BRSK2: variants seen among roughly 807,000 people sequenced by gnomAD.
BRSK2 encodes the protein serine/threonine-protein kinase BRSK2.
BRSK2 carries 19 observed loss-of-function variants against 83.3 expected under a neutral mutation model. The observed-to-expected ratio is 0.23, with a 90% CI of 0.16 to 0.33. The LOEUF (loss-of-function observed/expected upper bound fraction) is 0.33, where lower values mean the gene tolerates loss of function less well. BRSK2 is among the 10% of genes least tolerant of loss of function. The pLI, the probability that BRSK2 is intolerant of heterozygous loss-of-function variation, is 1.00. For missense variants in BRSK2, 798 were observed against 1,042.3 expected (o/e 0.77, Z 3.23); for synonymous variants, 519 against 435.4 (o/e 1.19, Z -2.39).
rs1410834110 is a variant in BRSK2 at position 1,423,288 on chromosome 11, C to T, written c.92-12752C>T. ...AGAACCAGGGACCCTCCCCACTGTC[C>T]TGTCCTTAGCGTCTTGAGGCTAGGG... On this transcript the variant is annotated intron_variant, in intron 1 of 19. Transcript: ENST00000528841. The surrounding 1 kb of genome is among the most constrained non-coding windows in gnomAD (Gnocchi z 6.5). 3.3e-5 allele frequency among the ~76,000 whole-genome samples: 5 copies of T among 152,300 alleles called. No homozygotes were observed. The East Asian group carries it at 9.7e-4, about 29-fold the overall frequency.
intron 1 of BRSK2, chr11:1,410,394 G>C (rs923711103): frequency 2.1e-6 from 2 of 969,202 alleles, no homozygotes; most frequent in African/African-American, 3.6e-5. Context: ...GTGTTTGGGG[G>C]GGTTTGTGAC....
intron 1 of BRSK2, among the ~76,000 whole-genome samples, chr11:1,425,067 C>T (rs770024090): frequency 5.9e-4 from 90 of 152,236 alleles, no homozygotes; most frequent in Non-Finnish European, 1.2e-3. Context: ...CGTGGGGACT[C>T]GGACCCTGGT....
chr11:1,459,136 G>A, intron 18 of BRSK2, 56 bp from the exon 19 acceptor site: 1 of 1,562,932 alleles, frequency 6.4e-7, no homozygotes, highest in Non-Finnish European at 8.8e-7. Flanking sequence ...CCAGCCAGAA[G>A]GCCCAGGACA....
In BRSK2 at chr11:1,429,478, G is replaced by A. The variant is rs566387342; in HGVS notation, c.92-6562G>A. Among the ~76,000 whole-genome samples, 343 of 151,640 alleles carry A rather than the reference G, an allele frequency of 2.3e-3. 10 individuals carry two copies. The highest frequency in any genetic ancestry group is 7.7e-3 in the African/African-American group (316 of 40,924). Reference sequence around the variant, plus strand: ...TGCATGTCTGTGTGCGTGGCCACACGTGCTGTCCCTGCCCAGGGCCCTGCT... The same window carrying A: ...TGCATGTCTGTGTGCGTGGCCACACATGCTGTCCCTGCCCAGGGCCCTGCT... On this transcript the variant is annotated intron_variant, in intron 1 of 19. Coordinates refer to ENST00000528841, the MANE Select transcript of BRSK2 (RefSeq NM_001256627.2).
chr11:1,435,206 AGAGGAGGGGTGCCGGTGGGGGTCTCAGCG>A lies in BRSK2; in HGVS notation c.92-808_92-780del, dbSNP rs1309508953. On this transcript the variant is annotated intron_variant, in intron 1 of 19. Transcript: ENST00000528841. ...GGGCTCAGGTGCAGAGCATCTCAGC[AGAGGAGGGGTGCCGGTGGGGGTCTCAGCG>A]GAGGAGGGGTGCCGGTGGGGGTCTC... Among the ~76,000 whole-genome samples, 30 of 127,280 alleles carry A rather than the reference AGAGGAGGGGTGCCGGTGGGGGTCTCAGCG, an allele frequency of 2.4e-4. No homozygotes were observed. The East Asian group carries it at 3.1e-3, about 13-fold the overall frequency. The allele number at this position is 127,280 out of a possible 152,430, so 83.5% of individuals were successfully genotyped here.
chr11:1,442,086 G>A (rs928245976), intron 4 of BRSK2, among the ~76,000 whole-genome samples: 15 of 148,874 alleles, frequency 1.0e-4, no homozygotes, highest in African/African-American at 2.7e-4. Flanking sequence ...TCCCGAGTGG[G>A]CAGTGTGTCG....
intron 1 of BRSK2, chr11:1,411,206 G>T (rs888812547): frequency 1.6e-6 from 2 of 1,244,016 alleles, no homozygotes; most frequent in African/African-American, 3.1e-5. Context: ...CTTGCTGAGG[G>T]GAGAGCGGGT....
At chr11:1,460,474 T>TC in intron 19 of BRSK2, 26 bp from the exon 20 acceptor site, 2 of 1,303,934 alleles carry the variant, frequency 1.5e-6, no homozygotes, top group Non-Finnish European at 2.0e-6. Context: ...TTTTTTTTTT[T>TC]TTTTGTCTCT....
intron 8 of BRSK2, 92 bp downstream of exon 8, chr11:1,443,727 CGT>C (rs1564853063): frequency 4.3e-5 from 60 of 1,397,608 alleles, no homozygotes; most frequent in Non-Finnish European, 5.4e-5. Context: ...TGTGCCCAGA[CGT>C]GTGGGCACCC....
chr11:1,459,522 G>GGGTCCCGCT (rs992809872), intron 19 of BRSK2: 1 of 486,806 alleles, frequency 2.1e-6, no homozygotes, highest in Admixed American at 3.3e-5. Flanking sequence ...AAGCCAGTGA[G>GGGTCCCGCT]GGTCCCGCTG....
At chr11:1,449,755 C>T (rs1845572697) in intron 12 of BRSK2, 21 bp from the exon 13 acceptor site, 3 of 1,610,140 alleles carry the variant, frequency 1.9e-6, no homozygotes, top group Non-Finnish European at 2.5e-6. Flanking sequence ...GAGCAGTGGC[C>T]CTGTACCTTG....
Position 1,451,394 on chromosome 11 carries a change from A to T in BRSK2, c.1519A>T (p.Asn507Tyr). The T allele has an allele frequency of 6.2e-7, 1 of 1,612,958 alleles. No homozygotes were observed. Among genetic ancestry groups the T allele is most frequent in the Non-Finnish European group, 8.5e-7 (1 of 1,179,902 alleles). Residue 507 changes from asparagine to tyrosine, a missense_variant, in exon 15 of 20, where the codon AAC becomes TAC. Transcript: ENST00000528841. The part of the protein sequence containing the change: ...LQVPTPEEMS[N>Y]LTPESSPELA... Reference sequence around the variant, plus strand: ...AGTTCCGACGCCGGAGGAGATGTCCAACCTGACACCAGAGTCGTCCCCAGA... The same window carrying T: ...AGTTCCGACGCCGGAGGAGATGTCCTACCTGACACCAGAGTCGTCCCCAGA...
rs1163948602 is a variant in BRSK2 at position 1,438,903 on chromosome 11, C to A, written c.272+512C>A. On this transcript the variant is annotated intron_variant, in intron 3 of 19. Coordinates refer to ENST00000528841, the MANE Select transcript of BRSK2 (RefSeq NM_001256627.2). This position sits in a 1 kb window ranked among gnomAD's most constrained non-coding sequence, Gnocchi z 6.4. Reference sequence around the variant, plus strand: ...CCGCTGAGGCCAGCAGAAATCCCTACCCTGTCCCAGGCATGCCTGGCTGTG... The same window carrying A: ...CCGCTGAGGCCAGCAGAAATCCCTAACCTGTCCCAGGCATGCCTGGCTGTG... Among the ~76,000 whole-genome samples the A allele has an allele frequency of 6.6e-6, 1 of 152,194 alleles. No individual in the cohort carries two copies. Among genetic ancestry groups the A allele is most frequent in the Non-Finnish European group, 1.5e-5 (1 of 68,028 alleles).
rs776265993 is a variant in BRSK2, at chr11:1,410,982, G to C, written c.91+20607G>C. 1.1e-4 allele frequency: 107 copies of C among 979,058 alleles called. 1 individual carries two copies. The highest frequency in any genetic ancestry group is 4.3e-4 in the South Asian group (9 of 21,006). 60.6% of individuals were successfully genotyped at this position (979,058 alleles called of 1,614,324 possible). On this transcript the variant is annotated intron_variant, in intron 1 of 19. Transcript: ENST00000528841. ...GGCTCCAGCCCAGGGCCCCGCTGAG[G>C]GGGGCAGGAGCAGGGGCGGAGAGAA...
chr11:1,404,945 A>G (rs1590332164), intron 1 of BRSK2, among the ~76,000 whole-genome samples: 1 of 84,766 alleles, frequency 1.2e-5, no homozygotes, highest in Non-Finnish European at 2.4e-5. Flanking sequence ...GTGTCCTGAC[A>G]CAAGGCCCCC....
chr11:1,454,432 G>A lies in BRSK2; in HGVS notation c.1545-53G>A. ...AACCCCAGATTCGAGGGAGGCAGGG[G>A]TGTGGACGGTGCCACACCTCAATCC... On this transcript the variant is annotated intron_variant, in intron 15 of 19. Coordinates refer to ENST00000528841, the MANE Select transcript of BRSK2 (RefSeq NM_001256627.2). The surrounding 1 kb of genome is among the most constrained non-coding windows in gnomAD (Gnocchi z 5.2). 2 of 1,606,052 alleles carry A rather than the reference G, an allele frequency of 1.2e-6. No homozygotes were observed. The highest frequency in any genetic ancestry group is 1.1e-5 in the South Asian group (1 of 90,642).
chr11:1,399,847 T>C (rs1156630829), intron 1 of BRSK2, among the ~76,000 whole-genome samples: 2 of 152,140 alleles, frequency 1.3e-5, no homozygotes, highest in Non-Finnish European at 2.9e-5. Flanking sequence ...GAACCCCAGC[T>C]CTGTGGTTCC....
chr11:1,419,966 T>G (rs1848489083), intron 1 of BRSK2, among the ~76,000 whole-genome samples: 1 of 142,016 alleles, frequency 7.0e-6, no homozygotes, highest in African/African-American at 2.5e-5. Context: ...GGACTGGTGC[T>G]CCCGATTCTG....
intron 1 of BRSK2, among the ~76,000 whole-genome samples, chr11:1,424,959 TG>T (rs1309566655): frequency 6.6e-6 from 1 of 152,178 alleles, no homozygotes; most frequent in African/African-American, 2.4e-5. Context: ...GCAAAGAATC[TG>T]GGGCCCTTGT....
Sources: gnomAD v4.1 joint callset for allele counts (sites outside exome capture counted in the v4.1 genomes callset) on GRCh38, gnomAD v4.1.1 for gene constraint, Gnocchi (gnomAD v3.1) non-coding constraint, MANE v1.5 for transcripts, NCBI Gene and HGNC (gene_info 2026-07-23, HGNC 2026-07-21) for gene names.